The following NEGR1 variants were observed in gnomAD, a reference collection of about 807,000 sequenced individuals.
The protein encoded by NEGR1 is IgLON family member 4.
NEGR1 carries 10 observed loss-of-function variants against 40.9 expected under a neutral mutation model. The ratio of observed to expected loss-of-function variants is 0.24; its 90% CI spans 0.15 to 0.42. NEGR1 has a LOEUF of 0.42. Ranked by LOEUF, NEGR1 falls within the 10% of genes least tolerant of loss-of-function variation. The pLI is 1.00. For missense variants in NEGR1, 352 were observed against 438.9 expected, an observed-to-expected ratio of 0.80 and a Z score of 1.77; for synonymous variants, 185 against 166.8, an observed-to-expected ratio of 1.11 and a Z score of -0.84.
intron 1 of NEGR1, among the ~76,000 whole-genome samples, chr1:72,136,151 C>T (rs538397461): frequency 4.7e-4 from 72 of 151,780 alleles, no homozygotes; most frequent in Middle Eastern, 3.4e-3. Flanking sequence ...CAATAAAAAC[C>T]GTAATGAAGG....
intron 1 of NEGR1, among the ~76,000 whole-genome samples, chr1:71,941,404 T>C (rs1645958249): frequency 6.6e-6 from 1 of 152,176 alleles, no homozygotes. Flanking sequence ...TATGTATGTA[T>C]GTATACATAA....
intron 6 of NEGR1, among the ~76,000 whole-genome samples, chr1:71,581,350 C>T (rs1350229545): frequency 6.6e-6 from 1 of 152,160 alleles, no homozygotes; most frequent in Non-Finnish European, 1.5e-5. Context: ...TGTGTCATGT[C>T]TGTGGCCATT....
chr1:72,111,963 C>A (rs1649387865), intron 1 of NEGR1, among the ~76,000 whole-genome samples: 1 of 151,734 alleles, frequency 6.6e-6, no homozygotes, highest in African/African-American at 2.4e-5. Context: ...AAGTTGTTTC[C>A]ACTTAGGTGA....
intron 1 of NEGR1, among the ~76,000 whole-genome samples, chr1:72,248,670 C>T (rs899491081): frequency 8.0e-5 from 12 of 150,410 alleles, no homozygotes; most frequent in Non-Finnish European, 1.6e-4. Flanking sequence ...GCAATCTTGG[C>T]CCACTGCAAC....
At chr1:72,220,137 C>A (rs1158069430) in intron 1 of NEGR1, among the ~76,000 whole-genome samples, 1 of 151,860 alleles carries the variant, frequency 6.6e-6, no homozygotes, top group South Asian at 2.1e-4. Flanking sequence ...CATGTAACAA[C>A]TCTCTATAGT....
chr1:71,945,261 G>A (rs12073102), intron 1 of NEGR1, among the ~76,000 whole-genome samples: 23,748 of 151,960 alleles, frequency 0.16, 2,241 homozygotes, highest in African/African-American at 0.26. Context: ...ATTGTTATGA[G>A]GATTAAATTA....
At chr1:71,799,949 T>C (rs1312538748) in intron 2 of NEGR1, among the ~76,000 whole-genome samples, 3 of 152,186 alleles carry the variant, frequency 2.0e-5, no homozygotes, top group African/African-American at 7.2e-5. Context: ...CCTGTCCTCG[T>C]GATCTGCCTA....
At chr1:71,841,771 A>C (rs1384601672) in intron 2 of NEGR1, among the ~76,000 whole-genome samples, 1 of 152,180 alleles carries the variant, frequency 6.6e-6, no homozygotes, top group Admixed American at 6.6e-5. Context: ...TAGTCTCTTT[A>C]AAAGGCAAGG....
intron 6 of NEGR1, among the ~76,000 whole-genome samples, chr1:71,483,511 C>A (rs1268350181): frequency 1.3e-5 from 2 of 151,756 alleles, no homozygotes; most frequent in East Asian, 3.9e-4. Context: ...TCCAATGAGG[C>A]ATTTGTGTGT....
chr1:71,882,719 G>A (rs1265736577), intron 2 of NEGR1, among the ~76,000 whole-genome samples: 1 of 129,970 alleles, frequency 7.7e-6, no homozygotes, highest in Non-Finnish European at 1.6e-5. Flanking sequence ...AATCTTCATC[G>A]TCTTCAGAAA....
intron 1 of NEGR1, among the ~76,000 whole-genome samples, chr1:72,196,806 G>A (rs1223691281): frequency 2.0e-5 from 3 of 150,626 alleles, no homozygotes; most frequent in Non-Finnish European, 4.4e-5. Flanking sequence ...TGACTTACAT[G>A]TAACTACAAT....
chr1:71,961,595 G>A (rs998369273), intron 1 of NEGR1, among the ~76,000 whole-genome samples: 1 of 152,070 alleles, frequency 6.6e-6, no homozygotes, highest in Non-Finnish European at 1.5e-5. Flanking sequence ...GAGAATGGGT[G>A]TAAAATCATT....
rs146798941 is a variant in NEGR1, at chr1:71,617,042, A to G, written c.668-5896T>C. Among the ~76,000 whole-genome samples, 39 of 152,358 alleles carry G rather than the reference A, an allele frequency of 2.6e-4. No homozygotes were observed. The East Asian group carries it at 5.0e-3, about 20-fold the overall frequency. On this transcript the variant is annotated intron_variant, in intron 4 of 6. Transcript: ENST00000357731. ...ACCAAGCACCTTGCATTAAAAGACA[A>G]GACTTTGGAGTTTTTCAAAAGGAAA...
chr1:71,837,271 T>C (rs1391091340), intron 2 of NEGR1, among the ~76,000 whole-genome samples: 3 of 152,122 alleles, frequency 2.0e-5, no homozygotes, highest in African/African-American at 4.8e-5. Context: ...TCTAGGCATG[T>C]TACTTATATC....
chr1:71,788,856 C>A (rs1657007106), intron 2 of NEGR1, among the ~76,000 whole-genome samples: 1 of 151,988 alleles, frequency 6.6e-6, no homozygotes. Flanking sequence ...GCACTAGGGA[C>A]TGACATAGGT....
In NEGR1 at chr1:72,153,963, G is replaced by A. The variant is rs920260512; in HGVS notation, c.176+128356C>T. Among the ~76,000 whole-genome samples, 6 of 151,358 alleles carry A rather than the reference G, an allele frequency of 4.0e-5. No individual in the cohort carries two copies. In the South Asian group the frequency reaches 1.0e-3, roughly 26 times the overall value. On this transcript the variant is annotated intron_variant, in intron 1 of 6. Coordinates refer to ENST00000357731, the MANE Select transcript of NEGR1 (RefSeq NM_173808.3). ...ATAGTAGAAAGCAGATGGTACTCTC[G>A]GTGAAATAAGTTTCTGGGTAGTGAT... is the stretch of plus-strand genomic sequence containing the variant.
At chr1:71,942,807 C>G (rs1054907022) in intron 1 of NEGR1, among the ~76,000 whole-genome samples, 6 of 148,906 alleles carry the variant, frequency 4.0e-5, no homozygotes, top group African/African-American at 1.5e-4. Flanking sequence ...CGGCCTAAAT[C>G]TATATTTTTT....
intron 1 of NEGR1, among the ~76,000 whole-genome samples, chr1:72,085,562 G>GT (rs1483441425): frequency 2.6e-5 from 4 of 152,148 alleles, no homozygotes; most frequent in Non-Finnish European, 5.9e-5. Context: ...AGCATCTGCT[G>GT]TCTTTCCATA....
chr1:71,677,283 A>T (rs1652676341), intron 4 of NEGR1, among the ~76,000 whole-genome samples: 1 of 152,108 alleles, frequency 6.6e-6, no homozygotes, highest in East Asian at 1.9e-4. Flanking sequence ...ATAGGATAAA[A>T]TCGTAATTTA....
Sources: gnomAD v4.1 joint callset for allele counts (sites outside exome capture counted in the v4.1 genomes callset) on GRCh38, gnomAD v4.1.1 for gene constraint, MANE v1.5 for transcripts, NCBI Gene and HGNC (gene_info 2026-07-23, HGNC 2026-07-21) for gene names.